The following PSTPIP2 variants were observed in gnomAD, a reference collection of about 807,000 sequenced individuals.
The protein encoded by PSTPIP2 is proline-serine-threonine phosphatase interacting protein 2, also known as proline-serine-threonine phosphatase-interacting protein 2.
Under a neutral mutation model 63.3 loss-of-function variants are expected in PSTPIP2, and 33 were observed. The ratio of observed to expected loss-of-function variants is 0.52; its 90% CI spans 0.40 to 0.70. PSTPIP2 has a LOEUF of 0.70. Ranked by LOEUF, PSTPIP2 falls within the 30% of genes least tolerant of loss-of-function variation. PSTPIP2 has a pLI of 0.00. For synonymous variants in PSTPIP2, 125 were observed against 132.7 expected (o/e 0.94, Z 0.40); for missense variants, 312 against 400.7 (o/e 0.78, Z 1.89).
At chr18:45,990,781 T>G in intron 12 of PSTPIP2, 25 bp from the exon 13 acceptor site, 1 of 1,562,452 alleles carries the variant, frequency 6.4e-7, no homozygotes. Context: ...AACCAAAGTA[T>G]TTTAGATAAG....
intron 14 of PSTPIP2, among the ~76,000 whole-genome samples, chr18:45,987,902 C>A (rs4890308): frequency 0.24 from 36,626 of 152,002 alleles, 6,314 homozygotes; most frequent in African/African-American, 0.47. Context: ...TCTAAGAATC[C>A]TCATGGTTTG....
At chr18:46,001,938 G>T (rs1441906707) in intron 6 of PSTPIP2, among the ~76,000 whole-genome samples, 4 of 152,102 alleles carry the variant, frequency 2.6e-5, no homozygotes. Flanking sequence ...ATAATTAAGT[G>T]ATTATTGACT....
intron 2 of PSTPIP2, among the ~76,000 whole-genome samples, chr18:46,037,210 T>C (rs1213046033): frequency 1.3e-5 from 2 of 152,140 alleles, no homozygotes; most frequent in Non-Finnish European, 2.9e-5. Flanking sequence ...TGGAGTGCAA[T>C]GGCGAGATCT....
intron 1 of PSTPIP2, among the ~76,000 whole-genome samples, chr18:46,056,405 A>G (rs1908756078): frequency 6.6e-6 from 1 of 152,056 alleles, no homozygotes; most frequent in Admixed American, 6.6e-5. Context: ...GCAGGGTTCA[A>G]TTCTGTCTTT....
intron 6 of PSTPIP2, among the ~76,000 whole-genome samples, chr18:46,000,531 C>A (rs532168085): frequency 6.6e-6 from 1 of 152,136 alleles, no homozygotes; most frequent in African/African-American, 2.4e-5. Context: ...TCATGCCCCG[C>A]TGATTTTTGT....
At chr18:45,997,849 C>T (rs1456867748) in intron 8 of PSTPIP2, 21 bp from the exon 9 acceptor site, 5 of 1,607,704 alleles carry the variant, frequency 3.1e-6, no homozygotes, top group Non-Finnish European at 3.4e-6. Flanking sequence ...AGGGAGAGAC[C>T]TGGGTCAGAA....
intron 10 of PSTPIP2, 49 bp from the exon 11 acceptor site, chr18:45,992,251 T>C (rs2051543511): frequency 6.9e-7 from 1 of 1,451,308 alleles, no homozygotes; most frequent in East Asian, 2.5e-5. Flanking sequence ...GAGATCATTG[T>C]GACACAGCTC....
intron 14 of PSTPIP2, among the ~76,000 whole-genome samples, chr18:45,987,787 A>G (rs908498713): frequency 1.3e-5 from 2 of 152,156 alleles, no homozygotes; most frequent in African/African-American, 4.8e-5. Context: ...TCTGTGAAGA[A>G]TGATTTTGAC....
At chr18:46,021,669 G>C (rs1390597091) in intron 3 of PSTPIP2, among the ~76,000 whole-genome samples, 2 of 151,616 alleles carry the variant, frequency 1.3e-5, no homozygotes, top group African/African-American at 2.4e-5. Context: ...ATTTGGGCCA[G>C]AGACGGTGGC....
chr18:45,990,808 A>G, intron 12 of PSTPIP2, 52 bp from the exon 13 acceptor site: 1 of 1,457,842 alleles, frequency 6.9e-7, no homozygotes, highest in Non-Finnish European at 9.5e-7. Context: ...TTATTTTTAT[A>G]ATCTTTTTAC....
chr18:45,995,392 C>G (rs187114798), intron 9 of PSTPIP2, among the ~76,000 whole-genome samples: 1 of 152,104 alleles, frequency 6.6e-6, no homozygotes, highest in African/African-American at 2.4e-5. Flanking sequence ...TGTGAGCCAC[C>G]GCACCTGGCC....
In PSTPIP2 at chr18:46,014,628, G is replaced by C. The variant is rs566463164; in HGVS notation, c.247+1275C>G. 5.3e-5 allele frequency among the ~76,000 whole-genome samples: 8 copies of C among 152,218 alleles called. No individual in the cohort carries two copies. In the South Asian group the frequency reaches 1.7e-3, roughly 32 times the overall value. On this transcript the variant is annotated intron_variant, in intron 4 of 14. Transcript: ENST00000409746. The stretch of plus-strand genomic sequence containing the variant: ...CTCAGAAGGCTGAGCCTGGAGGATC[G>C]CTTAACCCTGGGAGTGTGAGGCTGC...
chr18:46,011,156 A>G (rs1599712476), intron 5 of PSTPIP2, 25 bp downstream of exon 5: 2 of 1,574,076 alleles, frequency 1.3e-6, no homozygotes, highest in Non-Finnish European at 1.7e-6. Context: ...GAAAGGAAAC[A>G]CCTTAACACG....
At chr18:46,057,194 G>C (rs1168650373) in intron 1 of PSTPIP2, among the ~76,000 whole-genome samples, 1 of 152,080 alleles carries the variant, frequency 6.6e-6, no homozygotes, top group Non-Finnish European at 1.5e-5. Flanking sequence ...CTCTGCCTGC[G>C]TCCCACTCAG....
At chr18:46,068,194 T>C (rs907693604) in intron 1 of PSTPIP2, among the ~76,000 whole-genome samples, 22 of 152,306 alleles carry the variant, frequency 1.4e-4, no homozygotes, top group African/African-American at 5.1e-4. Flanking sequence ...ATATTAGGTA[T>C]TATAAGCAAT....
intron 1 of PSTPIP2, among the ~76,000 whole-genome samples, chr18:46,067,988 C>G (rs1909255617): frequency 6.6e-6 from 1 of 151,846 alleles, no homozygotes; most frequent in South Asian, 2.1e-4. Context: ...AACCTGTATT[C>G]TTTCTGTATT....
At chr18:46,028,400 C>A (rs1907669034) in intron 2 of PSTPIP2, 3 of 520,472 alleles carry the variant, frequency 5.8e-6, no homozygotes, top group Non-Finnish European at 1.1e-5. Context: ...CCAAGCGCGG[C>A]GAGGGAAGAG....
intron 1 of PSTPIP2, among the ~76,000 whole-genome samples, chr18:46,066,461 C>T (rs1909193134): frequency 6.6e-6 from 1 of 152,204 alleles, no homozygotes; most frequent in Non-Finnish European, 1.5e-5. Context: ...CAGCAGCTAC[C>T]ACAAGGCTGG....
intron 9 of PSTPIP2, 46 bp downstream of exon 9, chr18:45,997,701 ACC>A: frequency 3.0e-6 from 1 of 332,624 alleles, no homozygotes; most frequent in Non-Finnish European, 5.7e-6. Flanking sequence ...TGTTACACAC[ACC>A]CCCACCCACC....
Sources: allele counts gnomAD v4.1 joint callset (sites outside exome capture counted in the v4.1 genomes callset), GRCh38; gene constraint gnomAD v4.1.1; transcripts MANE v1.5; gene names NCBI Gene and HGNC (gene_info 2026-07-23, HGNC 2026-07-21).